The following TET1 variants were observed in gnomAD, a reference collection of about 807,000 sequenced individuals.
TET1 encodes tet methylcytosine dioxygenase 1.
TET1 carries 13 observed loss-of-function variants against 148.7 expected under a neutral mutation model. That is an observed-to-expected ratio of 0.09 (90% CI 0.06 to 0.14). The LOEUF is 0.14. TET1 is among the 10% of genes least tolerant of loss of function. TET1 has a pLI of 1.00. For synonymous variants in TET1, 907 were observed against 937.2 expected (o/e 0.97, Z 0.59); for missense variants, 2,182 against 2,553.8 (o/e 0.85, Z 3.14).
chr10:68,681,989 C>G (rs1364058485), intron 9 of TET1, among the ~76,000 whole-genome samples: 1 of 149,152 alleles, frequency 6.7e-6, no homozygotes, highest in African/African-American at 2.5e-5. Context: ...CAAAAAAAAC[C>G]AGTCATTGTT....
intron 8 of TET1, among the ~76,000 whole-genome samples, chr10:68,674,100 T>A (rs894049917): frequency 2.0e-5 from 3 of 151,896 alleles, no homozygotes; most frequent in Non-Finnish European, 2.9e-5. Context: ...TAGCTGAGAT[T>A]ACAGGCATGC....
intron 3 of TET1, among the ~76,000 whole-genome samples, chr10:68,608,343 C>A (rs1564965205): frequency 6.6e-6 from 1 of 152,288 alleles, no homozygotes; most frequent in African/African-American, 2.4e-5. Flanking sequence ...TCAAGCGATT[C>A]TCCTACCTCA....
chr10:68,675,907 G>A (rs1327081287), intron 8 of TET1, among the ~76,000 whole-genome samples: 4 of 152,012 alleles, frequency 2.6e-5, no homozygotes, highest in Non-Finnish European at 5.9e-5. Context: ...CTAGGCTGAC[G>A]TGCAATGGCT....
chr10:68,570,221 C>T (rs542480185), intron 1 of TET1, among the ~76,000 whole-genome samples: 1 of 152,112 alleles, frequency 6.6e-6, no homozygotes, highest in South Asian at 2.1e-4. Context: ...TCTCCTGCCT[C>T]AGCCTCCGGA....
chr10:68,655,731 A>G (rs2055011907), intron 6 of TET1, among the ~76,000 whole-genome samples: 1 of 152,170 alleles, frequency 6.6e-6, no homozygotes, highest in African/African-American at 2.4e-5. Flanking sequence ...ACAACTTTCT[A>G]TTAGTATTTT....
intron 8 of TET1, among the ~76,000 whole-genome samples, chr10:68,677,835 G>T (rs560228038): frequency 1.1e-4 from 17 of 152,264 alleles, no homozygotes; most frequent in African/African-American, 4.1e-4. Flanking sequence ...GGCCAGGCTG[G>T]TCTTGAACTC....
At chr10:68,643,486 C>T (rs1255809116) in intron 3 of TET1, among the ~76,000 whole-genome samples, 1 of 152,006 alleles carries the variant, frequency 6.6e-6, no homozygotes, top group African/African-American at 2.4e-5. Flanking sequence ...ATTTGTACAC[C>T]TTTCTATGTG....
chr10:68,645,796 C>G lies in TET1; in HGVS notation c.3067C>G (p.Gln1023Glu). The change falls in exon 4 of 12, where the codon CAA (glutamine) becomes GAA (glutamate). Residue 1023 changes from glutamine to glutamate, a missense_variant. Physicochemically the swap from Gln to Glu is conservative, Grantham distance 29 (BLOSUM62 2). Around this residue, in one of 11 missense-constraint regions of TET1, gnomAD observed 582 missense variants for 599.5 expected, o/e 0.97. Transcript: ENST00000373644. ...GATTGACACCAATAAAAGTATTGCT[C>G]AAGGGATAATTACTCTTGACAATTG... ...SKIDTNKSIA[Q>E]GIITLDNCSN... 1 of 1,613,934 alleles carries G rather than the reference C, an allele frequency of 6.2e-7. No homozygotes were observed. The highest frequency in any genetic ancestry group is 8.5e-7 in the Non-Finnish European group (1 of 1,179,956).
chr10:68,664,670 A>ATT (rs398013961), intron 6 of TET1, among the ~76,000 whole-genome samples: 2,480 of 99,444 alleles, frequency 0.025, 165 homozygotes, highest in African/African-American at 0.075. Context: ...CCCAGCCTGC[A>ATT]TTTTTTTTTT....
At chr10:68,624,648 C>CTTTCTTTCT (rs1223292559) in intron 3 of TET1, among the ~76,000 whole-genome samples, 1 of 54,616 alleles carries the variant, frequency 1.8e-5, no homozygotes, top group East Asian at 4.1e-4. Flanking sequence ...TTCTTTCTTT[C>CTTTCTTTCT]TTTCTTTCTT....
At chr10:68,633,027 T>C (rs1309734521) in intron 3 of TET1, among the ~76,000 whole-genome samples, 1 of 151,786 alleles carries the variant, frequency 6.6e-6, no homozygotes, top group Non-Finnish European at 1.5e-5. Flanking sequence ...CTACTAAAAA[T>C]ACAAAAATTA....
At position 68,574,093 on chromosome 10, in the gene TET1, G is replaced by C. The variant is rs762232511; in HGVS notation, c.1755G>C (p.Lys585Asn). The change falls in exon 2 of 12, where the codon AAG becomes AAC. Residue 585 changes from lysine (K) to asparagine (N), a missense_variant. Around this residue, in one of 11 missense-constraint regions of TET1, gnomAD observed 226 missense variants for 307.4 expected, o/e 0.74. Transcript: ENST00000373644. ...SYTTLLPTLE[K>N]KKRKRCGVCE... is the part of the protein sequence containing the mutation. ...CCACTTTGCTACCGACTTTGGAAAAGAAGAAAAGAAAGCGATGTGGGGTCT... is the reference window on the plus strand; with the variant it reads ...CCACTTTGCTACCGACTTTGGAAAACAAGAAAAGAAAGCGATGTGGGGTCT... The C allele has an allele frequency of 6.2e-7, 1 of 1,614,146 alleles. No individual in the cohort carries two copies. The highest frequency in any genetic ancestry group is 1.1e-5 in the South Asian group (1 of 91,090).
At chr10:68,681,581 C>T in intron 9 of TET1, 93 bp downstream of exon 9, 1 of 772,030 alleles carries the variant, frequency 1.3e-6, no homozygotes, top group South Asian at 1.9e-5. Context: ...ATGATCAAAG[C>T]TTACTACAAA....
rs767244144 is a variant in TET1, at chr10:68,572,349, C to T, written c.11C>T (p.Ser4Phe). The T allele has an allele frequency of 1.1e-4, 177 of 1,599,158 alleles. No homozygotes were observed. The highest frequency in any genetic ancestry group is 1.4e-4 in the Non-Finnish European group (168 of 1,176,272). Residue 4 changes from serine to phenylalanine, a missense_variant, in exon 2 of 12, where the codon TCC becomes TTC. Physicochemically the swap from Ser to Phe is radical, Grantham distance 155. Transcript: ENST00000373644. MSR[S>F]RHARPSRLVR... is the part of the protein sequence containing the mutation. ...TCCTACTCTGTAGCTATGTCTCGAT[C>T]CCGCCATGCAAGGCCTTCCAGATTA...
intron 3 of TET1, among the ~76,000 whole-genome samples, chr10:68,630,406 T>C (rs1407301838): frequency 2.0e-5 from 3 of 152,144 alleles, no homozygotes; most frequent in Non-Finnish European, 4.4e-5. Flanking sequence ...CTGCCTCCCA[T>C]GTTCAAGATA....
intron 3 of TET1, among the ~76,000 whole-genome samples, chr10:68,626,198 A>T (rs1012813952): frequency 9.2e-5 from 14 of 151,718 alleles, no homozygotes; most frequent in African/African-American, 1.7e-4. Flanking sequence ...AATGTCTTTT[A>T]AAAATGTTTT....
At chr10:68,639,911 A>G (rs141407649) in intron 3 of TET1, among the ~76,000 whole-genome samples, 64 of 152,218 alleles carry the variant, frequency 4.2e-4, no homozygotes, top group African/African-American at 1.5e-3. Flanking sequence ...CTGCAATCCT[A>G]TTAGTGTTAA....
intron 3 of TET1, among the ~76,000 whole-genome samples, chr10:68,619,987 G>A (rs1359321764): frequency 6.6e-6 from 1 of 152,064 alleles, no homozygotes; most frequent in Non-Finnish European, 1.5e-5. Context: ...GAGTTTAGGA[G>A]TTCAAGACCA....
intron 3 of TET1, among the ~76,000 whole-genome samples, chr10:68,626,716 AT>A (rs938574973): frequency 3.4e-4 from 50 of 149,124 alleles, no homozygotes; most frequent in Non-Finnish European, 5.7e-4. Flanking sequence ...ACACCCAGCA[AT>A]TTTTTTATAT....
Sources: allele counts gnomAD v4.1 joint callset (sites outside exome capture counted in the v4.1 genomes callset), GRCh38; gene constraint gnomAD v4.1.1; regional missense constraint gnomAD v4.1.1; transcripts MANE v1.5; gene names NCBI Gene and HGNC (gene_info 2026-07-23, HGNC 2026-07-21).